The following C12orf42 variants were observed in gnomAD, a reference collection of about 807,000 sequenced individuals.
C12orf42 encodes chromosome 12 open reading frame 42, also known as uncharacterized protein C12orf42.
A neutral mutation model predicts 21.6 loss-of-function variants in C12orf42; 25 were observed. The ratio of observed to expected loss-of-function variants is 1.16; its 90% CI spans 0.84 to 1.62. The LOEUF (loss-of-function observed/expected upper bound fraction) is 1.62, where lower values mean the gene tolerates loss of function less well. Among genes scored for constraint, C12orf42 ranks in the 40% most tolerant of loss-of-function variants. C12orf42 has a pLI of 0.00. For missense variants in C12orf42, 483 were observed against 459.3 expected, an observed-to-expected ratio of 1.05 and a Z score of -0.47; for synonymous variants, 174 against 175.0, an observed-to-expected ratio of 0.99 and a Z score of 0.05.
chr12:103,296,867 G>C (rs995112042), intron 4 of C12orf42, among the ~76,000 whole-genome samples: 7 of 152,246 alleles, frequency 4.6e-5, no homozygotes, highest in Middle Eastern at 3.4e-3. Context: ...AGTTTAATTA[G>C]ATCCCATTTG....
the C12orf42 span, among the ~76,000 whole-genome samples, chr12:103,227,808 G>T: frequency 6.6e-6 from 1 of 152,132 alleles, no homozygotes; most frequent in Non-Finnish European, 1.5e-5. Flanking sequence ...CGGAGTTTTG[G>T]GTCCACGGAT....
At chr12:103,406,234 G>T (rs1380258097) in intron 2 of C12orf42, among the ~76,000 whole-genome samples, 1 of 152,156 alleles carries the variant, frequency 6.6e-6, no homozygotes, top group African/African-American at 2.4e-5. Context: ...TAATTCAGGA[G>T]GTCTAGAGGA....
chr12:103,141,826 A>C, the C12orf42 span, among the ~76,000 whole-genome samples: 2 of 152,154 alleles, frequency 1.3e-5, no homozygotes, highest in East Asian at 3.8e-4. Flanking sequence ...CACCGCACCC[A>C]GCCATAATAA....
chr12:103,381,074 T>C (rs936560440), intron 3 of C12orf42, among the ~76,000 whole-genome samples: 1 of 152,200 alleles, frequency 6.6e-6, no homozygotes, highest in Non-Finnish European at 1.5e-5. Flanking sequence ...CTGCTTGTAT[T>C]ACAGAAATAC....
chr12:103,202,495 C>T, the C12orf42 span, among the ~76,000 whole-genome samples: 2 of 152,132 alleles, frequency 1.3e-5, no homozygotes, highest in East Asian at 1.9e-4. Context: ...AACAGAAGAC[C>T]ATTGAGTGTT....
chr12:103,313,741 A>G (rs192561120), intron 4 of C12orf42, among the ~76,000 whole-genome samples: 152 of 152,310 alleles, frequency 1.0e-3, no homozygotes, highest in Non-Finnish European at 1.7e-3. Flanking sequence ...TAGCTCCTGA[A>G]TGACCTCTTC....
rs189572888 is a variant in C12orf42 at position 103,376,412 on chromosome 12, G to T, written c.148-7414C>A. 1.5e-3 allele frequency among the ~76,000 whole-genome samples: 233 copies of T among 152,114 alleles called. 5 individuals carry two copies. In the South Asian group the frequency reaches 0.045, roughly 29 times the overall value. On this transcript the variant is annotated intron_variant, in intron 3 of 5. Transcript: ENST00000548883. ...CACACACCAGGGCCTGTCGAGGGGT[G>T]GGGGGCAAGGGGAAAGAGAGCATTA...
chr12:103,161,177 G>A, the C12orf42 span, among the ~76,000 whole-genome samples: 1 of 152,120 alleles, frequency 6.6e-6, no homozygotes, highest in Non-Finnish European at 1.5e-5. Flanking sequence ...AGTTTCTCTT[G>A]GAGATACCCA....
At chr12:103,140,172 G>T in the C12orf42 span, among the ~76,000 whole-genome samples, 1 of 152,142 alleles carries the variant, frequency 6.6e-6, no homozygotes, top group African/African-American at 2.4e-5. Flanking sequence ...TGGCTCCTTG[G>T]TCTCTTCCTC....
At chr12:103,234,892 A>T (rs2033422533), downstream of C12orf42, among the ~76,000 whole-genome samples, 1 of 152,198 alleles carries the variant, frequency 6.6e-6, no homozygotes, top group Non-Finnish European at 1.5e-5. Context: ...CTACTGGATT[A>T]CTGAATACCT....
chr12:103,366,650 G>A (rs2044630451), intron 4 of C12orf42, among the ~76,000 whole-genome samples: 1 of 151,818 alleles, frequency 6.6e-6, no homozygotes, highest in South Asian at 2.1e-4. Flanking sequence ...AGTGGGCTAG[G>A]GACATGAATA....
At chr12:103,340,195 G>A (rs1411393936) in intron 4 of C12orf42, among the ~76,000 whole-genome samples, 2 of 152,320 alleles carry the variant, frequency 1.3e-5, no homozygotes, top group East Asian at 3.9e-4. Flanking sequence ...GCGCTAAAGA[G>A]AGTGAGTTCT....
the C12orf42 span, among the ~76,000 whole-genome samples, chr12:103,074,772 TACA>T: frequency 1.3e-5 from 2 of 152,138 alleles, no homozygotes; most frequent in Admixed American, 6.6e-5. Context: ...TAGTACTTTC[TACA>T]ACATTAGTTG....
At chr12:103,447,430 A>C (rs903362918) in intron 2 of C12orf42, among the ~76,000 whole-genome samples, 2 of 152,116 alleles carry the variant, frequency 1.3e-5, no homozygotes, top group South Asian at 2.1e-4. Flanking sequence ...TAGTACTAGA[A>C]GTCCTAGCCA....
At chr12:103,144,416 A>G in the C12orf42 span, among the ~76,000 whole-genome samples, 8 of 152,196 alleles carry the variant, frequency 5.3e-5, no homozygotes, top group Non-Finnish European at 1.2e-4. Context: ...AAGACTGAGG[A>G]AAGTCCCATG....
At chr12:103,051,496 T>C in the C12orf42 span, among the ~76,000 whole-genome samples, 1 of 152,222 alleles carries the variant, frequency 6.6e-6, no homozygotes. Context: ...ATTGCTGGTT[T>C]TACTTTTCTG....
downstream of C12orf42, among the ~76,000 whole-genome samples, chr12:103,299,187 A>C (rs1206513353): frequency 1.3e-5 from 2 of 152,082 alleles, no homozygotes; most frequent in East Asian, 3.8e-4. Context: ...TTTTAAAAAA[A>C]TATTTGTATG....
chr12:103,297,529 A>G (rs1461114487), downstream of C12orf42, among the ~76,000 whole-genome samples: 1 of 152,268 alleles, frequency 6.6e-6, no homozygotes, highest in African/African-American at 2.4e-5. Flanking sequence ...AGAGGTACAA[A>G]GAGGAGCTGG....
the C12orf42 span, among the ~76,000 whole-genome samples, chr12:103,053,667 A>T: frequency 6.6e-6 from 1 of 151,970 alleles, no homozygotes; most frequent in Non-Finnish European, 1.5e-5. Flanking sequence ...TAAAAACTCC[A>T]CCAAGTCTCA....
Sources: allele counts gnomAD v4.1 joint callset (sites outside exome capture counted in the v4.1 genomes callset), GRCh38; gene constraint gnomAD v4.1.1; transcripts MANE v1.5; gene names NCBI Gene and HGNC (gene_info 2026-07-23, HGNC 2026-07-21).